UNC5A: variants seen among roughly 807,000 people sequenced by gnomAD.
The protein encoded by UNC5A is unc-5 netrin receptor A.
UNC5A carries 20 observed loss-of-function variants against 87.4 expected under a neutral mutation model. The observed-to-expected ratio is 0.23, with a 90% CI of 0.16 to 0.33. UNC5A has a LOEUF of 0.33. UNC5A is among the 10% of genes least tolerant of loss of function. The pLI, the probability that UNC5A is intolerant of heterozygous loss-of-function variation, is 1.00. For synonymous variants in UNC5A, 438 were observed against 482.3 expected (o/e 0.91, Z 1.20); for missense variants, 844 against 1,133.4 (o/e 0.74, Z 3.67).
chr5:176,829,466 GTGGGTGGGTGGATGGT>G (rs1042960848), intron 1 of UNC5A, among the ~76,000 whole-genome samples: 1 of 143,730 alleles, frequency 7.0e-6, no homozygotes, highest in Non-Finnish European at 1.5e-5. Context: ...GGATGGTTGG[GTGGGTGGGTGGATGGT>G]TGGGTGGGTG....
chr5:176,856,577 T>A (rs1757672245), intron 1 of UNC5A, among the ~76,000 whole-genome samples: 1 of 152,166 alleles, frequency 6.6e-6, no homozygotes, highest in Admixed American at 6.5e-5. Flanking sequence ...GAAGTGGCAT[T>A]AACCCAGATG....
Position 176,817,842 on chromosome 5 carries a change from G to A in UNC5A, c.70+7022G>A, listed in dbSNP as rs1756631296. 2.0e-5 allele frequency among the ~76,000 whole-genome samples: 3 copies of A among 151,922 alleles called. No homozygotes were observed. In the South Asian group the frequency reaches 6.2e-4, roughly 31 times the overall value. ...GAGGCTCGCGCCCGGGGACGTCCAG[G>A]CCGGGGGTGGGTGCCGCGGGGCAGC... is the stretch of plus-strand genomic sequence containing the variant. On this transcript the variant is annotated intron_variant, in intron 1 of 14. Coordinates refer to ENST00000329542, the MANE Select transcript of UNC5A (RefSeq NM_133369.3).
At chr5:176,872,681 A>G (rs1424812671) in intron 6 of UNC5A, among the ~76,000 whole-genome samples, 181 of 94,528 alleles carry the variant, frequency 1.9e-3, no homozygotes, top group Admixed American at 4.8e-3. Context: ...ATCTGCCCAC[A>G]CTCACCCCAC....
intron 1 of UNC5A, among the ~76,000 whole-genome samples, chr5:176,856,441 G>A (rs1757669072): frequency 6.6e-6 from 1 of 151,942 alleles, no homozygotes; most frequent in Admixed American, 6.5e-5. Flanking sequence ...ATTCTAGAGG[G>A]AAAAAGCGGT....
At chr5:176,850,711 G>A (rs1409320414) in intron 1 of UNC5A, among the ~76,000 whole-genome samples, 1 of 152,218 alleles carries the variant, frequency 6.6e-6, no homozygotes, top group East Asian at 1.9e-4. Flanking sequence ...GGACCCATGA[G>A]TGGGAGCTGG....
In UNC5A at chr5:176,875,826, C is replaced by T. The variant is rs577258557; in HGVS notation, c.1378+1260C>T. Among the ~76,000 whole-genome samples the T allele has an allele frequency of 2.1e-3, 320 of 152,366 alleles. 2 individuals are homozygous for T. Among genetic ancestry groups the T allele is most frequent in the African/African-American group, 7.3e-3 (303 of 41,590 alleles). On this transcript the variant is annotated intron_variant, in intron 8 of 14. Transcript: ENST00000329542. This position sits in a 1 kb window ranked among gnomAD's most constrained non-coding sequence, Gnocchi z 5.2. ...CTCTGCATGCACCGACCCCCTGCCC[C>T]TCCCACCAGCTCAGCTGGGACTTCT...
chr5:176,836,358 G>C (rs1029334826), intron 1 of UNC5A, among the ~76,000 whole-genome samples: 1 of 152,164 alleles, frequency 6.6e-6, no homozygotes, highest in Non-Finnish European at 1.5e-5. Context: ...CCCGAGATGG[G>C]GCAGAACTGG....
chr5:176,853,437 T>C (rs1327850739), intron 1 of UNC5A, among the ~76,000 whole-genome samples: 1 of 152,168 alleles, frequency 6.6e-6, no homozygotes, highest in Non-Finnish European at 1.5e-5. Context: ...TTGTTCTTTG[T>C]GGTTCAGCCT....
intron 1 of UNC5A, among the ~76,000 whole-genome samples, chr5:176,852,921 G>A (rs1014156091): frequency 3.3e-5 from 5 of 152,358 alleles, no homozygotes; most frequent in African/African-American, 9.6e-5. Context: ...CATGTTTTAC[G>A]GAAGAGTAAC....
At position 176,834,953 on chromosome 5, in the gene UNC5A, A is replaced by C. The variant is rs1160150804; in HGVS notation, c.70+24133A>C. Among the ~76,000 whole-genome samples, 3 of 152,190 alleles carry C rather than the reference A, an allele frequency of 2.0e-5. No homozygotes were observed. The East Asian group carries it at 5.8e-4, about 29-fold the overall frequency. ...CCAGCCTCACTCTTCTTATCCCCAT[A>C]GCTGGGCCAGAGGAGCTGGCAGGCT... On this transcript the variant is annotated intron_variant, in intron 1 of 14. Coordinates refer to ENST00000329542, the MANE Select transcript of UNC5A (RefSeq NM_133369.3).
At chr5:176,827,725 A>C in intron 1 of UNC5A, among the ~76,000 whole-genome samples, 1 of 152,200 alleles carries the variant, frequency 6.6e-6, no homozygotes, top group East Asian at 1.9e-4. Context: ...GAACTGCCAA[A>C]CTATTTTCCT....
chr5:176,837,399 C>A (rs1028317185), intron 1 of UNC5A, among the ~76,000 whole-genome samples: 7 of 152,172 alleles, frequency 4.6e-5, no homozygotes, highest in African/African-American at 1.7e-4. Context: ...GGCTGACTTC[C>A]CAGAGCCCTA....
At chr5:176,877,039 G>A (rs538693816) in intron 8 of UNC5A, among the ~76,000 whole-genome samples, 153 bp from the exon 9 acceptor site, 1 of 152,284 alleles carries the variant, frequency 6.6e-6, no homozygotes, top group South Asian at 2.1e-4. Flanking sequence ...CTGTGGGGGT[G>A]GTTGGTCAGC....
At chr5:176,842,386 A>T (rs1757297844) in intron 1 of UNC5A, among the ~76,000 whole-genome samples, 1 of 152,212 alleles carries the variant, frequency 6.6e-6, no homozygotes, top group South Asian at 2.1e-4. Context: ...AGAAGTTATT[A>T]TACAGAAAAG....
rs1004029499 is a variant in UNC5A at position 176,848,286 on chromosome 5, A to C, written c.71-14338A>C. 6.6e-6 allele frequency among the ~76,000 whole-genome samples: 1 copy of C among 152,170 alleles called. No homozygotes were observed. Among genetic ancestry groups the C allele is most frequent in the African/African-American group, 2.4e-5 (1 of 41,516 alleles). The stretch of plus-strand genomic sequence containing the variant: ...TCTCTCTCCCCTGCTACCCCAAAGC[A>C]CAAGAGGGTGTGCAGGGATCTGAGG... On this transcript the variant is annotated intron_variant, in intron 1 of 14. Coordinates refer to ENST00000329542, the MANE Select transcript of UNC5A (RefSeq NM_133369.3). This position sits in a 1 kb window ranked among gnomAD's most constrained non-coding sequence, Gnocchi z 5.8.
Position 176,874,275 on chromosome 5 carries a change from C to T in UNC5A, c.1087C>T (p.Leu363=), listed in dbSNP as rs755283364. Residue 363 remains leucine (L), a synonymous_variant, in exon 8 of 15, where the codon CTG becomes TTG. Coordinates refer to ENST00000329542, the MANE Select transcript of UNC5A (RefSeq NM_133369.3). The surrounding 1 kb of genome is among the most constrained non-coding windows in gnomAD (Gnocchi z 7.6). Reference sequence around the variant, plus strand: ...TCTTTATCCTGCAGACAACCCCCATCTGCTCACCATCCAGCCGGACCTCAG... The same window carrying T: ...TCTTTATCCTGCAGACAACCCCCATTTGCTCACCATCCAGCCGGACCTCAG... ...IKPSKADNPH[L]LTIQPDLSTT... The T allele has an allele frequency of 6.3e-7, 1 of 1,590,084 alleles. No individual in the cohort carries two copies. The highest frequency in any genetic ancestry group is 1.7e-5 in the Admixed American group (1 of 58,092).
At position 176,866,528 on chromosome 5, in the gene UNC5A, T is replaced by A. The variant is rs1757979639; in HGVS notation, c.293-1602T>A. Among the ~76,000 whole-genome samples the A allele has an allele frequency of 6.6e-6, 1 of 152,030 alleles. No homozygotes were observed. Among genetic ancestry groups the A allele is most frequent in the Non-Finnish European group, 1.5e-5 (1 of 68,016 alleles). ...TGAGGCTCCTGAAGGAGGGCCGGGCTCCCCACAGCACCACGGGGGATGGAG... is the reference window on the plus strand; with the variant it reads ...TGAGGCTCCTGAAGGAGGGCCGGGCACCCCACAGCACCACGGGGGATGGAG... On this transcript the variant is annotated intron_variant, in intron 2 of 14. Transcript: ENST00000329542. The surrounding 1 kb of genome is among the most constrained non-coding windows in gnomAD (Gnocchi z 5.0).
intron 1 of UNC5A, among the ~76,000 whole-genome samples, chr5:176,830,334 T>A (rs1419626051): frequency 6.6e-6 from 1 of 152,162 alleles, no homozygotes; most frequent in Non-Finnish European, 1.5e-5. Flanking sequence ...CCATGGGGCA[T>A]GGGTGCGGTG....
chr5:176,878,921 C>T (rs1301009517), intron 13 of UNC5A, among the ~76,000 whole-genome samples: 1 of 152,126 alleles, frequency 6.6e-6, no homozygotes, highest in African/African-American at 2.4e-5. Context: ...GTACTGGGCC[C>T]CAAAGAATGA....
Sources: gnomAD v4.1 joint callset for allele counts (sites outside exome capture counted in the v4.1 genomes callset) on GRCh38, gnomAD v4.1.1 for gene constraint, Gnocchi (gnomAD v3.1) non-coding constraint, MANE v1.5 for transcripts, NCBI Gene and HGNC (gene_info 2026-07-23, HGNC 2026-07-21) for gene names.